Variants in GALNT14 observed in about 807,000 individuals in gnomAD.
GALNT14 encodes UDP-GalNAc:polypeptide N-acetylgalactosaminyltransferase 14.
A neutral mutation model predicts 77.5 loss-of-function variants in GALNT14; 60 were observed. The ratio of observed to expected loss-of-function variants is 0.77; its 90% CI spans 0.63 to 0.96. GALNT14 has a LOEUF of 0.96. GALNT14 is among the 40% of genes least tolerant of loss of function. GALNT14 has a pLI of 0.00. For missense variants in GALNT14, 710 were observed against 731.0 expected (o/e 0.97, Z 0.33); for synonymous variants, 280 against 281.7 (o/e 0.99, Z 0.06).
chr2:31,106,194 G>A (rs904442520), intron 1 of GALNT14, among the ~76,000 whole-genome samples: 14 of 152,108 alleles, frequency 9.2e-5, no homozygotes, highest in Admixed American at 5.9e-4. Context: ...ACCCAAATTC[G>A]TGCTCTTTCA....
At chr2:30,943,676 G>A (rs1373906153) in intron 8 of GALNT14, among the ~76,000 whole-genome samples, 1 of 152,190 alleles carries the variant, frequency 6.6e-6, no homozygotes, top group Non-Finnish European at 1.5e-5. Flanking sequence ...GCTGATGTGA[G>A]CTGTGTGATG....
chr2:31,081,125 A>G (rs1676135036), intron 1 of GALNT14, among the ~76,000 whole-genome samples: 1 of 152,216 alleles, frequency 6.6e-6, no homozygotes, highest in Non-Finnish European at 1.5e-5. Flanking sequence ...TGTTGCTGTG[A>G]GAATACTTTC....
intron 1 of GALNT14, among the ~76,000 whole-genome samples, chr2:31,086,320 A>G (rs1189853362): frequency 5.3e-5 from 8 of 152,182 alleles, no homozygotes. Flanking sequence ...CAGCCTTGGG[A>G]CTGCCCTACT....
chr2:30,952,760 TAA>T (rs397800006), intron 6 of GALNT14, among the ~76,000 whole-genome samples: 4 of 131,830 alleles, frequency 3.0e-5, no homozygotes, highest in Non-Finnish European at 3.3e-5. Context: ...TAAAGCATAA[TAA>T]AAAAAAAAAA....
At chr2:30,922,197 C>T (rs1224317797) in intron 13 of GALNT14, among the ~76,000 whole-genome samples, 1 of 152,086 alleles carries the variant, frequency 6.6e-6, no homozygotes, top group Non-Finnish European at 1.5e-5. Flanking sequence ...TCATTGTGGG[C>T]ATGGACTCAC....
chr2:30,894,662 T>C, the GALNT14 span, among the ~76,000 whole-genome samples: 1 of 152,196 alleles, frequency 6.6e-6, no homozygotes, highest in African/African-American at 2.4e-5. Flanking sequence ...CTGAACTACT[T>C]CCGGTGGTTG....
At chr2:31,077,282 A>G (rs542377567) in intron 1 of GALNT14, among the ~76,000 whole-genome samples, 7 of 152,346 alleles carry the variant, frequency 4.6e-5, no homozygotes, top group Admixed American at 1.3e-4. Context: ...CTTAATTACA[A>G]GCTACAAATC....
rs543269521 is a variant in GALNT14, at chr2:31,099,967, T to C, written c.129+37991A>G. ...TGTTTGATTTATAAATTAACTTAAA[T>C]AGAATGATGTCTATTGTTTTTCCAT... is the stretch of plus-strand genomic sequence containing the variant. On this transcript the variant is annotated intron_variant, in intron 1 of 14. Transcript: ENST00000349752. 3.3e-5 allele frequency among the ~76,000 whole-genome samples: 5 copies of C among 152,204 alleles called. No individual in the cohort carries two copies. The East Asian group carries it at 9.7e-4, about 29-fold the overall frequency.
chr2:31,076,223 C>T (rs1409932503), intron 1 of GALNT14, among the ~76,000 whole-genome samples: 1 of 152,206 alleles, frequency 6.6e-6, no homozygotes, highest in Non-Finnish European at 1.5e-5. Context: ...ACCCACCATG[C>T]ACCACACAAT....
At chr2:30,940,619 A>G (rs1421495234) in intron 9 of GALNT14, among the ~76,000 whole-genome samples, 1 of 152,246 alleles carries the variant, frequency 6.6e-6, no homozygotes, top group Non-Finnish European at 1.5e-5. Flanking sequence ...GGCTGAGAGA[A>G]AGGCTGGAAC....
In GALNT14 at chr2:31,018,980, G is replaced by A. The variant is rs1051428809; in HGVS notation, c.130-25973C>T. The stretch of plus-strand genomic sequence containing the variant: ...CCCCCTCACAAATGACAGCGTGAAG[G>A]GGGCCGGTGATGGGGACTCAGTTGT... On this transcript the variant is annotated intron_variant, in intron 1 of 14. Transcript: ENST00000349752. Among the ~76,000 whole-genome samples the A allele has an allele frequency of 2.0e-5, 3 of 152,104 alleles. No individual in the cohort carries two copies. The East Asian group carries it at 5.8e-4, about 29-fold the overall frequency.
At chr2:31,076,124 A>C (rs983839702) in intron 1 of GALNT14, among the ~76,000 whole-genome samples, 4 of 152,198 alleles carry the variant, frequency 2.6e-5, no homozygotes, top group Non-Finnish European at 5.9e-5. Flanking sequence ...ACTGGAGAAA[A>C]GAGTTGAGTA....
chr2:31,114,653 C>A, intron 1 of GALNT14: 2 of 652,942 alleles, frequency 3.1e-6, no homozygotes, highest in Middle Eastern at 2.5e-4. Flanking sequence ...CTCTAAAAAC[C>A]CAGCTTGTGA....
chr2:30,920,743 T>C (rs979970857), intron 13 of GALNT14, among the ~76,000 whole-genome samples: 2 of 152,158 alleles, frequency 1.3e-5, no homozygotes, highest in Non-Finnish European at 2.9e-5. Context: ...GTTTAACACC[T>C]CCAGATTACT....
intron 13 of GALNT14, among the ~76,000 whole-genome samples, chr2:30,923,533 C>T (rs1218368825): frequency 6.6e-6 from 1 of 152,132 alleles, no homozygotes; most frequent in East Asian, 1.9e-4. Context: ...AGAGAAGGGA[C>T]CACAAGGGGT....
chr2:30,909,068 T>C (rs1289137151), downstream of GALNT14, among the ~76,000 whole-genome samples: 1 of 152,020 alleles, frequency 6.6e-6, no homozygotes, highest in Non-Finnish European at 1.5e-5. Context: ...TCAAGATGGA[T>C]TAAAGACTTA....
chr2:30,911,171 T>G (rs898056334), intron 14 of GALNT14, 112 bp from the exon 15 acceptor site: 6 of 922,574 alleles, frequency 6.5e-6, no homozygotes, highest in African/African-American at 1.7e-5. Flanking sequence ...GAGACTTGAT[T>G]TCATGGTTTC....
At chr2:31,000,363 G>A (rs112017429) in intron 1 of GALNT14, among the ~76,000 whole-genome samples, 17 of 151,426 alleles carry the variant, frequency 1.1e-4, no homozygotes, top group African/African-American at 3.2e-4. Context: ...AGTATTATTC[G>A]TTTCCCATTT....
chr2:31,052,881 T>C (rs1363120569), intron 1 of GALNT14, among the ~76,000 whole-genome samples: 8 of 152,158 alleles, frequency 5.3e-5, no homozygotes, highest in Non-Finnish European at 8.8e-5. Context: ...GAAACCGAAA[T>C]AGAACTGGGT....
Sources: allele counts gnomAD v4.1 joint callset (sites outside exome capture counted in the v4.1 genomes callset), GRCh38; gene constraint gnomAD v4.1.1; transcripts MANE v1.5; gene names NCBI Gene and HGNC (gene_info 2026-07-23, HGNC 2026-07-21).